Variants in ADCY10 observed in about 807,000 individuals in gnomAD.
ADCY10 encodes the protein adenylate cyclase 10, also known as adenylate cyclase type 10.
ADCY10 carries 156 observed loss-of-function variants against 183.3 expected under a neutral mutation model. The observed-to-expected ratio is 0.85, with a 90% CI of 0.75 to 0.97. The LOEUF is 0.97. Among genes scored for constraint, ADCY10 ranks in the 50% least tolerant of loss-of-function variants. The pLI is 0.00. For missense variants in ADCY10, 1,745 were observed against 1,934.3 expected (o/e 0.90, Z 1.84); for synonymous variants, 645 against 670.0 (o/e 0.96, Z 0.58).
At chr1:167,889,324 G>A (rs1270040098) in intron 8 of ADCY10, among the ~76,000 whole-genome samples, 1 of 152,140 alleles carries the variant, frequency 6.6e-6, no homozygotes, top group African/African-American at 2.4e-5. Flanking sequence ...AGCATCAACT[G>A]AAATGATAAT....
Position 167,818,163 on chromosome 1 carries a change from G to A in ADCY10, c.4391C>T (p.Ser1464Phe). 6.2e-7 allele frequency: 1 copy of A among 1,614,146 alleles called. No individual in the cohort carries two copies. ...AAGAACTTGCCCCTCCATGTACCTA[G>A]ATATTCCGTCATAGTAAGTAAGTGT... ...TMTLTYYDGISRYMEGQVLHL... is the reference protein window; with the variant it reads ...TMTLTYYDGIFRYMEGQVLHL... Residue 1464 changes from serine (S) to phenylalanine (F), a missense_variant, in exon 31 of 33, where the codon TCT (serine) becomes TTT (phenylalanine). Physicochemically the swap from Ser to Phe is radical, Grantham distance 155. Transcript: ENST00000367851.
Position 167,829,399 on chromosome 1 carries a change from G to A in ADCY10, c.3618C>T (p.Tyr1206=). ...PPGKKRLAQL[Y]RQTVCLSLLW... is the part of the protein sequence containing the mutation. ...GCAAGGAAAGGCAGACAGTTTGCCG[G>A]TAAAGTTGTGCCAGCCTCTTCTTCC... is the stretch of plus-strand genomic sequence containing the variant. The change falls in exon 26 of 33, where the codon TAC becomes TAT. Residue 1206 remains tyrosine, a synonymous_variant. Transcript: ENST00000367851. 3 of 1,614,152 alleles carry A rather than the reference G, an allele frequency of 1.9e-6. No individual in the cohort carries two copies. Among genetic ancestry groups the A allele is most frequent in the Non-Finnish European group, 2.5e-6 (3 of 1,179,996 alleles).
chr1:167,829,321 G>C lies in ADCY10; in HGVS notation c.3696C>G (p.His1232Gln). Residue 1232 changes from histidine (H) to glutamine (Q), a missense_variant, in exon 26 of 33, where the codon CAC (histidine) becomes CAG (glutamine). Physicochemically the swap from His to Gln is conservative, Grantham distance 24. Transcript: ENST00000367851. The part of the protein sequence containing the change: ...SYLFHCKYYA[H>Q]LAVMMQMNTA... ...TATTCATTTGCATCATAACTGCCAG[G>C]TGGGCATAATACTTGCAGTGAAAAA... 3.7e-6 allele frequency: 6 copies of C among 1,614,088 alleles called. No individual in the cohort carries two copies. Among genetic ancestry groups the C allele is most frequent in the Non-Finnish European group, 5.1e-6 (6 of 1,179,964 alleles).
At chr1:167,891,115 C>G (rs544776568) in intron 8 of ADCY10, among the ~76,000 whole-genome samples, 52 of 152,134 alleles carry the variant, frequency 3.4e-4, no homozygotes, top group African/African-American at 1.2e-3. Flanking sequence ...GTGTGTGCCA[C>G]CGCGCCTGGC....
At chr1:167,828,233 A>T (rs560806545) in intron 26 of ADCY10, among the ~76,000 whole-genome samples, 1 of 152,372 alleles carries the variant, frequency 6.6e-6, no homozygotes, top group African/African-American at 2.4e-5. Flanking sequence ...AGTGATTATT[A>T]TGCTGTTACT....
In ADCY10 at chr1:167,834,051, C is replaced by G. The variant is rs761125229; in HGVS notation, c.3336G>C (p.Gln1112His). Residue 1112 changes from glutamine (Q) to histidine (H), a missense_variant, in exon 24 of 33, where the codon CAG becomes CAC. By Grantham distance (24) the Gln-to-His change is conservative. Coordinates refer to ENST00000367851, the MANE Select transcript of ADCY10 (RefSeq NM_018417.6). ...CCTTCTTGAGAGTTTTTAGCAACTT[C>G]TGTCCTTCATTCAAATACATGTATG... Reference protein sequence around the residue: ...YMAYMYLNEGQKLLKTLKKDK... With the variant: ...YMAYMYLNEGHKLLKTLKKDK... 3.1e-6 allele frequency: 5 copies of G among 1,613,986 alleles called. No homozygotes were observed. In the East Asian group the frequency reaches 1.1e-4, roughly 36 times the overall value.
chr1:167,809,520 G>T lies in ADCY10; in HGVS notation c.*158C>A. ...GTAAACCATGACACTCCTGACCCTTGTAGGCCCTCCAGAAAGAGAAGAAAT... is the reference window on the plus strand; with the variant it reads ...GTAAACCATGACACTCCTGACCCTTTTAGGCCCTCCAGAAAGAGAAGAAAT... On this transcript the variant is annotated 3_prime_UTR_variant, in exon 33 of 33. Coordinates refer to ENST00000367851, the MANE Select transcript of ADCY10 (RefSeq NM_018417.6). 1 of 821,714 alleles carries T rather than the reference G, an allele frequency of 1.2e-6. No individual in the cohort carries two copies. The highest frequency in any genetic ancestry group is 2.0e-6 in the Non-Finnish European group (1 of 511,792). 50.9% of individuals were successfully genotyped at this position (821,714 alleles called of 1,614,324 possible). A position where few individuals can be genotyped will look rare whatever the true frequency, so the allele number is the denominator to read the frequency against.
chr1:167,864,750 T>TAAC (rs1349630428), intron 14 of ADCY10, among the ~76,000 whole-genome samples: 13 of 152,216 alleles, frequency 8.5e-5, no homozygotes, highest in Non-Finnish European at 1.5e-5. Flanking sequence ...CGTAACCCTG[T>TAAC]AACACTCTAA....
intron 8 of ADCY10, among the ~76,000 whole-genome samples, chr1:167,892,826 G>A (rs994684657): frequency 6.6e-6 from 1 of 152,178 alleles, no homozygotes; most frequent in African/African-American, 2.4e-5. Context: ...CATATATTAG[G>A]AGGGTGGATA....
intron 26 of ADCY10, among the ~76,000 whole-genome samples, chr1:167,828,887 G>A (rs543896045): frequency 1.8e-4 from 27 of 152,188 alleles, no homozygotes; most frequent in South Asian, 6.2e-4. Flanking sequence ...TCTTGAACCC[G>A]GGAAGTGGAG....
At chr1:167,837,575 G>A (rs1368964614) in intron 21 of ADCY10, among the ~76,000 whole-genome samples, 3 of 152,200 alleles carry the variant, frequency 2.0e-5, no homozygotes, top group African/African-American at 7.2e-5. Flanking sequence ...CCACAAGAAA[G>A]CAAGTAATTC....
intron 26 of ADCY10, among the ~76,000 whole-genome samples, chr1:167,825,401 A>G (rs762428808): frequency 5.3e-5 from 8 of 151,732 alleles, no homozygotes; most frequent in Non-Finnish European, 1.5e-5. Context: ...CTATAATCCC[A>G]GCACTTCTGG....
chr1:167,835,692 C>T (rs532520467), intron 23 of ADCY10, among the ~76,000 whole-genome samples: 6 of 152,236 alleles, frequency 3.9e-5, no homozygotes, highest in Admixed American at 3.9e-4. Context: ...TGTTCAAGAC[C>T]AGCCTGGGCA....
chr1:167,888,801 G>A (rs369644348), intron 8 of ADCY10, among the ~76,000 whole-genome samples: 22 of 150,488 alleles, frequency 1.5e-4, no homozygotes, highest in African/African-American at 4.6e-4. Context: ...GAGTGAACCC[G>A]GGAGGCGGAG....
At chr1:167,880,690 C>T (rs536911402) in intron 9 of ADCY10, 81 bp from the exon 10 acceptor site, 11 of 1,072,094 alleles carry the variant, frequency 1.0e-5, no homozygotes, top group Middle Eastern at 2.5e-4. Flanking sequence ...AACAGAGAGC[C>T]GGCGGCAATT....
intron 4 of ADCY10, 27 bp from the exon 5 acceptor site, chr1:167,901,832 TTTG>T (rs1669448563): frequency 2.1e-5 from 34 of 1,614,068 alleles, no homozygotes; most frequent in Non-Finnish European, 2.9e-5. Flanking sequence ...GCCGCGGGCT[TTTG>T]ACCTGCCCTG....
chr1:167,818,663 G>A (rs1371618253), intron 30 of ADCY10, among the ~76,000 whole-genome samples: 1 of 152,024 alleles, frequency 6.6e-6, no homozygotes, highest in Non-Finnish European at 1.5e-5. Flanking sequence ...TCAGCCTCCC[G>A]AGTAGCTGGG....
chr1:167,911,692 C>T (rs1276268466), intron 1 of ADCY10, among the ~76,000 whole-genome samples: 1 of 152,198 alleles, frequency 6.6e-6, no homozygotes, highest in Non-Finnish European at 1.5e-5. Context: ...AGTATACCCT[C>T]TCTGCAGGAA....
chr1:167,828,266 T>G (rs891253321), intron 26 of ADCY10, among the ~76,000 whole-genome samples: 1 of 152,230 alleles, frequency 6.6e-6, no homozygotes, highest in African/African-American at 2.4e-5. Flanking sequence ...TATCCATTGG[T>G]AAACAGATTC....
Sources: allele counts gnomAD v4.1 joint callset (sites outside exome capture counted in the v4.1 genomes callset), GRCh38; gene constraint gnomAD v4.1.1; transcripts MANE v1.5; gene names NCBI Gene and HGNC (gene_info 2026-07-23, HGNC 2026-07-21).